B3GLCT: variants seen among roughly 807,000 people sequenced by gnomAD.
The protein encoded by B3GLCT is beta-1,3-glucosyltransferase.
Under a neutral mutation model 63.4 loss-of-function variants are expected in B3GLCT, and 65 were observed. The observed-to-expected ratio is 1.03, with a 90% CI of 0.84 to 1.26. The LOEUF (loss-of-function observed/expected upper bound fraction) is 1.26, where lower values mean the gene tolerates loss of function less well. Among genes scored for constraint, B3GLCT ranks in the 50% most tolerant of loss-of-function variants. B3GLCT has a pLI of 0.00. For synonymous variants in B3GLCT, 233 were observed against 219.2 expected (o/e 1.06, Z -0.55); for missense variants, 577 against 604.8 (o/e 0.95, Z 0.48).
At chr13:31,323,637 C>T in intron 13 of B3GLCT, 114 bp from the exon 14 acceptor site, 1 of 1,193,902 alleles carries the variant, frequency 8.4e-7, no homozygotes, top group South Asian at 1.2e-5. Context: ...CTAGAGAAAG[C>T]TACTATTGCC....
chr13:31,202,435 T>C (rs538414631), intron 1 of B3GLCT, among the ~76,000 whole-genome samples: 15 of 152,330 alleles, frequency 9.8e-5, no homozygotes, highest in South Asian at 4.1e-4. Context: ...CTGGATAGAA[T>C]ACTAGCACTT....
intron 12 of B3GLCT, among the ~76,000 whole-genome samples, chr13:31,310,333 C>A (rs910470779): frequency 6.6e-6 from 1 of 152,194 alleles, no homozygotes; most frequent in African/African-American, 2.4e-5. Flanking sequence ...CTGGCTCACT[C>A]TCCAGTGTCT....
rs996101800 is a variant in B3GLCT, at chr13:31,329,999, C to T, written c.*331C>T. 2 of 338,990 alleles carry T rather than the reference C, an allele frequency of 5.9e-6. No individual in the cohort carries two copies. Among genetic ancestry groups the T allele is most frequent in the African/African-American group, 4.3e-5 (2 of 46,986 alleles). 21.0% of individuals were successfully genotyped at this position (338,990 alleles called of 1,614,324 possible). On this transcript the variant is annotated 3_prime_UTR_variant, in exon 15 of 15. Coordinates refer to ENST00000343307, the MANE Select transcript of B3GLCT (RefSeq NM_194318.4). ...TGGTACCAGAAGTCCCTTTCCTGTT[C>T]TGTCTCTTCATTGTAATGGAAGTTT...
chr13:31,259,609 C>T (rs1040404982), intron 6 of B3GLCT, among the ~76,000 whole-genome samples: 7 of 151,550 alleles, frequency 4.6e-5, no homozygotes, highest in Admixed American at 3.9e-4. Flanking sequence ...CATCTTGGGA[C>T]CCCCTTACAT....
intron 1 of B3GLCT, among the ~76,000 whole-genome samples, chr13:31,210,200 T>C (rs915220528): frequency 6.6e-6 from 1 of 152,224 alleles, no homozygotes; most frequent in Non-Finnish European, 1.5e-5. Flanking sequence ...TTGCCTGCCC[T>C]GATTTGCACT....
At chr13:31,225,638 G>A (rs936637555) in intron 3 of B3GLCT, among the ~76,000 whole-genome samples, 2 of 152,104 alleles carry the variant, frequency 1.3e-5, no homozygotes, top group Non-Finnish European at 1.5e-5. Flanking sequence ...CCTTGTCCTC[G>A]ATAATACCCC....
intron 3 of B3GLCT, among the ~76,000 whole-genome samples, chr13:31,224,220 C>A (rs1438279893): frequency 6.6e-6 from 1 of 152,154 alleles, no homozygotes; most frequent in Non-Finnish European, 1.5e-5. Flanking sequence ...TATTATAACA[C>A]CCTGTATGGT....
At chr13:31,253,140 A>C (rs1871519840) in intron 6 of B3GLCT, among the ~76,000 whole-genome samples, 1 of 152,194 alleles carries the variant, frequency 6.6e-6, no homozygotes, top group African/African-American at 2.4e-5. Context: ...CGAAAGCAGA[A>C]ATAAAGATGT....
At chr13:31,300,501 G>A (rs1874170838) in intron 12 of B3GLCT, among the ~76,000 whole-genome samples, 2 of 152,202 alleles carry the variant, frequency 1.3e-5, no homozygotes, top group South Asian at 2.1e-4. Context: ...TAGTCTCACT[G>A]AGAACTCAGA....
intron 6 of B3GLCT, among the ~76,000 whole-genome samples, chr13:31,249,802 G>C (rs1252194606): frequency 6.6e-6 from 1 of 152,118 alleles, no homozygotes; most frequent in Non-Finnish European, 1.5e-5. Context: ...GTTGAAGTTA[G>C]CTCAAACCAG....
At position 31,269,277 on chromosome 13, in the gene B3GLCT, GGT is replaced by G; in HGVS notation, c.660+1_660+2del. 6.3e-7 allele frequency: 1 copy of G among 1,589,398 alleles called. No individual in the cohort carries two copies. Among genetic ancestry groups the G allele is most frequent in the Non-Finnish European group, 8.6e-7 (1 of 1,158,264 alleles). On this transcript the variant is annotated splice_donor_variant, in intron 8 of 14. Transcript: ENST00000343307. LOFTEE classifies it high-confidence loss of function. Reference sequence around the variant, plus strand: ...ACTTTACAATAGATTTAAAACATGAGGTATGTCATGTTTTGTTTGATTAAAAA... The same window carrying G: ...ACTTTACAATAGATTTAAAACATGAGATGTCATGTTTTGTTTGATTAAAAA...
chr13:31,282,106 G>C (rs760312522), intron 10 of B3GLCT, among the ~76,000 whole-genome samples: 22 of 152,156 alleles, frequency 1.4e-4, no homozygotes, highest in Non-Finnish European at 2.8e-4. Context: ...TTGAAAAGGA[G>C]ATAATGTATC....
At chr13:31,326,275 CTTTTTTTT>C (rs11415456) in intron 14 of B3GLCT, among the ~76,000 whole-genome samples, 11 of 75,868 alleles carry the variant, frequency 1.4e-4, no homozygotes, top group Non-Finnish European at 2.1e-4. Flanking sequence ...AGGTCTTTCC[CTTTTTTTT>C]TTTTTTTTTT....
chr13:31,279,301 T>C (rs1872944683), intron 10 of B3GLCT, among the ~76,000 whole-genome samples: 1 of 151,998 alleles, frequency 6.6e-6, no homozygotes, highest in Non-Finnish European at 1.5e-5. Flanking sequence ...TTTTTTTTCA[T>C]TTTCTTTTCC....
intron 12 of B3GLCT, among the ~76,000 whole-genome samples, chr13:31,295,174 C>G (rs989060515): frequency 2.6e-5 from 4 of 152,182 alleles, no homozygotes; most frequent in African/African-American, 9.7e-5. Context: ...GCTGCCTTTT[C>G]CTTCCTTTGG....
chr13:31,276,295 C>T (rs1872779890), intron 9 of B3GLCT, among the ~76,000 whole-genome samples: 1 of 152,216 alleles, frequency 6.6e-6, no homozygotes, highest in East Asian at 1.9e-4. Context: ...AAAAATCCCC[C>T]CTATTTCTCT....
rs529543133 is a variant in B3GLCT at position 31,225,034 on chromosome 13, T to C, written c.160+2043T>C. ...TATCTCTCTGTCCTGCTGCCTTTCC[T>C]GAGCACTGTCTGCCACTCACCATTG... On this transcript the variant is annotated intron_variant, in intron 3 of 14. Transcript: ENST00000343307. Among the ~76,000 whole-genome samples the C allele has an allele frequency of 7.9e-5, 12 of 152,382 alleles. No individual in the cohort carries two copies. The South Asian group carries it at 2.5e-3, about 32-fold the overall frequency.
At chr13:31,227,779 A>C (rs1371024589) in intron 3 of B3GLCT, among the ~76,000 whole-genome samples, 1 of 152,240 alleles carries the variant, frequency 6.6e-6, no homozygotes, top group Non-Finnish European at 1.5e-5. Flanking sequence ...AATGGAATAA[A>C]ATTAAAATCA....
At chr13:31,203,433 C>G (rs971383963) in intron 1 of B3GLCT, among the ~76,000 whole-genome samples, 1 of 152,168 alleles carries the variant, frequency 6.6e-6, no homozygotes, top group African/African-American at 2.4e-5. Flanking sequence ...GGGAGAGCAT[C>G]TGTTTCAAAT....
Sources: gnomAD v4.1 joint callset for allele counts (sites outside exome capture counted in the v4.1 genomes callset) on GRCh38, gnomAD v4.1.1 for gene constraint, MANE v1.5 for transcripts, NCBI Gene and HGNC (gene_info 2026-07-23, HGNC 2026-07-21) for gene names.